The following STAU2 variants were observed in gnomAD, a reference collection of about 807,000 sequenced individuals.
STAU2 encodes double-stranded RNA-binding protein Staufen homolog 2.
A neutral mutation model predicts 65.9 loss-of-function variants in STAU2; 20 were observed. That is an observed-to-expected ratio of 0.30 (90% CI 0.21 to 0.44). The LOEUF is 0.44. STAU2 is among the 20% of genes least tolerant of loss of function. The pLI is 1.00. For missense variants in STAU2, 558 were observed against 683.9 expected (o/e 0.82, Z 2.05); for synonymous variants, 232 against 233.9 (o/e 0.99, Z 0.07).
chr8:73,610,836 T>C (rs1812399220), intron 9 of STAU2, among the ~76,000 whole-genome samples: 1 of 152,210 alleles, frequency 6.6e-6, no homozygotes, highest in Non-Finnish European at 1.5e-5. Flanking sequence ...GATAACCCTA[T>C]ACAGTGACTC....
intron 13 of STAU2, among the ~76,000 whole-genome samples, chr8:73,541,304 T>A (rs1563410296): frequency 1.3e-5 from 2 of 152,164 alleles, no homozygotes; most frequent in African/African-American, 4.8e-5. Context: ...AATAATTGGC[T>A]TTCACTATAT....
At chr8:73,618,620 G>C (rs1813008677) in intron 6 of STAU2, among the ~76,000 whole-genome samples, 3 of 152,342 alleles carry the variant, frequency 2.0e-5, no homozygotes, top group African/African-American at 7.2e-5. Context: ...GTTCTGCACA[G>C]AGAAGTGACA....
chr8:73,532,881 C>T (rs538449489), intron 13 of STAU2, among the ~76,000 whole-genome samples: 10 of 152,296 alleles, frequency 6.6e-5, no homozygotes, highest in African/African-American at 1.2e-4. Context: ...CTGTAAGCCA[C>T]GCACCTCCTC....
chr8:73,631,597 A>C (rs190775829), intron 6 of STAU2, among the ~76,000 whole-genome samples: 1 of 152,234 alleles, frequency 6.6e-6, no homozygotes, highest in East Asian at 1.9e-4. Flanking sequence ...TCTGTTCTAC[A>C]CAGACTGTTC....
chr8:73,456,828 CAGGG>C (rs1215499349), intron 13 of STAU2, among the ~76,000 whole-genome samples: 1 of 152,144 alleles, frequency 6.6e-6, no homozygotes, highest in Admixed American at 6.5e-5. Context: ...GGAAACAGTA[CAGGG>C]GCTGCTAGAT....
chr8:73,535,141 A>G (rs1335108239), intron 13 of STAU2, among the ~76,000 whole-genome samples: 1 of 152,090 alleles, frequency 6.6e-6, no homozygotes, highest in African/African-American at 2.4e-5. Context: ...AGTGACAAGC[A>G]TGTACATGAC....
intron 9 of STAU2, among the ~76,000 whole-genome samples, chr8:73,612,237 A>G (rs1812529943): frequency 6.6e-6 from 1 of 152,240 alleles, no homozygotes; most frequent in African/African-American, 2.4e-5. Flanking sequence ...TTATTATAGT[A>G]TTTGCATTAT....
chr8:73,427,688 G>A (rs1296666428), intron 13 of STAU2, among the ~76,000 whole-genome samples: 4 of 152,212 alleles, frequency 2.6e-5, no homozygotes, highest in Admixed American at 1.3e-4. Context: ...CATGCGCGTG[G>A]GGCGCTAAAG....
At chr8:73,446,183 T>C (rs1818455901) in intron 13 of STAU2, among the ~76,000 whole-genome samples, 1 of 152,202 alleles carries the variant, frequency 6.6e-6, no homozygotes, top group Admixed American at 6.5e-5. Context: ...CAAAAGTCCA[T>C]CTCAAAGAGT....
In STAU2 at chr8:73,746,818, A is replaced by T. The variant is rs1334532035; in HGVS notation, c.-232T>A. 8.2e-7 allele frequency: 1 copy of T among 1,223,016 alleles called. No homozygotes were observed. Among genetic ancestry groups the T allele is most frequent in the African/African-American group, 1.6e-5 (1 of 63,954 alleles). The allele number at this position is 1,223,016 out of a possible 1,614,324, so 75.8% of individuals were successfully genotyped here. ...GGGACACTTTGCAGACGGCTCCAAC[A>T]TTGGCAAACACTACAGAGAACTGAC... On this transcript the variant is annotated 5_prime_UTR_variant, in exon 1 of 15. It removes an upstream start codon present in the reference 5' UTR. Transcript: ENST00000524300.
At chr8:73,605,848 C>T (rs1021344120) in intron 9 of STAU2, among the ~76,000 whole-genome samples, 8 of 42,404 alleles carry the variant, frequency 1.9e-4, no homozygotes, top group South Asian at 6.4e-4. Flanking sequence ...CACATACACA[C>T]ACACACACAC....
At chr8:73,563,799 G>A (rs1212932046) in intron 12 of STAU2, among the ~76,000 whole-genome samples, 6 of 152,040 alleles carry the variant, frequency 3.9e-5, no homozygotes, top group Admixed American at 3.9e-4. Context: ...TACCATGCCT[G>A]GCCATCAAAA....
chr8:73,489,066 A>T (rs2031094786), intron 13 of STAU2, among the ~76,000 whole-genome samples: 1 of 151,996 alleles, frequency 6.6e-6, no homozygotes, highest in Admixed American at 6.6e-5. Flanking sequence ...TGTTAGCAGT[A>T]CTTTCAGCAG....
intron 13 of STAU2, among the ~76,000 whole-genome samples, chr8:73,426,965 G>A (rs934128786): frequency 2.0e-4 from 21 of 105,672 alleles, no homozygotes; most frequent in Admixed American, 3.3e-4. Flanking sequence ...TTTTGCTCTT[G>A]TTGCCCAGGC....
chr8:73,672,653 T>C (rs1817765653), intron 6 of STAU2, among the ~76,000 whole-genome samples: 2 of 152,110 alleles, frequency 1.3e-5, no homozygotes, highest in Non-Finnish European at 2.9e-5. Flanking sequence ...ATATAAAAGG[T>C]GGCAAATTCT....
At chr8:73,542,630 T>TG (rs1307165029) in intron 13 of STAU2, among the ~76,000 whole-genome samples, 2 of 152,122 alleles carry the variant, frequency 1.3e-5, no homozygotes, top group Admixed American at 6.6e-5. Flanking sequence ...TCAATAATTA[T>TG]GGGGGAAAAT....
At chr8:73,723,712 T>G (rs1216917928) in intron 3 of STAU2, among the ~76,000 whole-genome samples, 3 of 152,234 alleles carry the variant, frequency 2.0e-5, no homozygotes, top group African/African-American at 7.2e-5. Flanking sequence ...AAGTCTGATA[T>G]GGGTCTTTTT....
intron 4 of STAU2, among the ~76,000 whole-genome samples, chr8:73,698,923 T>TAAAA (rs34819729): frequency 6.2e-5 from 8 of 129,100 alleles, no homozygotes; most frequent in Admixed American, 4.0e-4. Context: ...CTTAAAACAT[T>TAAAA]AAAAAAAAAA....
intron 9 of STAU2, among the ~76,000 whole-genome samples, chr8:73,612,607 A>C (rs566183851): frequency 6.6e-6 from 1 of 152,342 alleles, no homozygotes; most frequent in East Asian, 1.9e-4. Flanking sequence ...TACCTACTAC[A>C]TCTTCTAAGT....
Sources: allele counts gnomAD v4.1 joint callset (sites outside exome capture counted in the v4.1 genomes callset), GRCh38; gene constraint gnomAD v4.1.1; transcripts MANE v1.5; gene names NCBI Gene and HGNC (gene_info 2026-07-23, HGNC 2026-07-21).